Variants in CACNA1I observed in about 807,000 individuals in gnomAD.
The protein encoded by CACNA1I is calcium voltage-gated channel subunit alpha1 I, also known as voltage-dependent T-type calcium channel subunit alpha-1I.
Under a neutral mutation model 201.6 loss-of-function variants are expected in CACNA1I, and 74 were observed. That is an observed-to-expected ratio of 0.37 (90% confidence interval 0.30 to 0.45). The LOEUF is 0.45. Ranked by LOEUF, CACNA1I falls within the 20% of genes least tolerant of loss-of-function variation. The pLI, the probability that CACNA1I is intolerant of heterozygous loss-of-function variation, is 1.00. For synonymous variants in CACNA1I, 1,431 were observed against 1,345.2 expected, an observed-to-expected ratio of 1.06 and a Z score of -1.40; for missense variants, 2,346 against 3,138.1, an observed-to-expected ratio of 0.75 and a Z score of 6.03.
intron 1 of CACNA1I, among the ~76,000 whole-genome samples, chr22:39,580,606 G>A (rs1045994420): frequency 3.3e-5 from 5 of 152,152 alleles, no homozygotes; most frequent in South Asian, 2.1e-4. Flanking sequence ...GAGGGAACAC[G>A]GTAGGGCACA....
At chr22:39,587,712 TG>T in intron 1 of CACNA1I, 2 of 451,112 alleles carry the variant, frequency 4.4e-6, no homozygotes, top group Non-Finnish European at 8.9e-6. Flanking sequence ...AAGGTTCCTG[TG>T]GGGTTTGGCA....
At position 39,584,132 on chromosome 22, in the gene CACNA1I, C is replaced by T. The variant is rs118144302; in HGVS notation, c.236+13144C>T. On this transcript the variant is annotated intron_variant, in intron 1 of 36. Coordinates refer to ENST00000402142, the MANE Select transcript of CACNA1I (RefSeq NM_021096.4). Reference sequence around the variant, plus strand: ...GGGGGATGTATCAGAGGATATGAGGCTACAGGAGAAGGCTGTTCAGGAAGG... The same window carrying T: ...GGGGGATGTATCAGAGGATATGAGGTTACAGGAGAAGGCTGTTCAGGAAGG... 7.1e-3 allele frequency among the ~76,000 whole-genome samples: 1,075 copies of T among 152,250 alleles called. 8 individuals carry two copies. The highest frequency in any genetic ancestry group is 0.011 in the Non-Finnish European group (743 of 68,014).
At chr22:39,639,195 G>A (rs1934294196) in intron 5 of CACNA1I, among the ~76,000 whole-genome samples, 1 of 152,212 alleles carries the variant, frequency 6.6e-6, no homozygotes, top group Non-Finnish European at 1.5e-5. Context: ...GCAAAGTTGA[G>A]TCATTGGGAC....
intron 1 of CACNA1I, among the ~76,000 whole-genome samples, chr22:39,592,718 G>C (rs1205704563): frequency 6.6e-6 from 1 of 152,216 alleles, no homozygotes; most frequent in Non-Finnish European, 1.5e-5. Context: ...TGGGTCTCCA[G>C]CTTCCCTCAG....
chr22:39,639,248 C>T lies in CACNA1I; in HGVS notation c.741-1619C>T, dbSNP rs1480296006. Among the ~76,000 whole-genome samples the T allele has an allele frequency of 2.0e-5, 3 of 152,192 alleles. No homozygotes were observed. In the East Asian group the frequency reaches 5.8e-4, roughly 29 times the overall value. On this transcript the variant is annotated intron_variant, in intron 5 of 36. Coordinates refer to ENST00000402142, the MANE Select transcript of CACNA1I (RefSeq NM_021096.4). Reference sequence around the variant, plus strand: ...CAGAAAAATATTTGCTAATACAGGCCATTACACAAAAAGTTTGCCTACCTC... The same window carrying T: ...CAGAAAAATATTTGCTAATACAGGCTATTACACAAAAAGTTTGCCTACCTC...
At chr22:39,573,826 A>G (rs533535898) in intron 1 of CACNA1I, among the ~76,000 whole-genome samples, 15 of 152,066 alleles carry the variant, frequency 9.9e-5, no homozygotes, top group African/African-American at 3.6e-4. Flanking sequence ...CAGGAGGGAG[A>G]GGAGTACTGG....
chr22:39,601,759 T>C lies in CACNA1I; in HGVS notation c.482+1106T>C, dbSNP rs984287703. Among the ~76,000 whole-genome samples, 15 of 151,716 alleles carry C rather than the reference T, an allele frequency of 9.9e-5. 1 individual carries two copies. In the South Asian group the frequency reaches 2.3e-3, roughly 23 times the overall value. On this transcript the variant is annotated intron_variant, in intron 3 of 36. Transcript: ENST00000402142. ...ACAGATGTGTTCTGAAGTGAGGTGATTCGTTTCACTAGGGTTTTAAAAAAG... is the reference window on the plus strand; with the variant it reads ...ACAGATGTGTTCTGAAGTGAGGTGACTCGTTTCACTAGGGTTTTAAAAAAG...
intron 7 of CACNA1I, among the ~76,000 whole-genome samples, chr22:39,644,407 G>A (rs537381295): frequency 3.3e-5 from 5 of 152,304 alleles, no homozygotes; most frequent in South Asian, 2.1e-4. Flanking sequence ...GCATGTCCTT[G>A]GCACACAGTG....
intron 27 of CACNA1I, 120 bp downstream of exon 27, chr22:39,672,428 G>A (rs532846767): frequency 2.0e-5 from 14 of 717,886 alleles, no homozygotes; most frequent in Admixed American, 8.1e-5. Flanking sequence ...ATCTAGGCAC[G>A]GATGGACAGG....
intron 4 of CACNA1I, among the ~76,000 whole-genome samples, chr22:39,633,298 T>C (rs1042676052): frequency 6.6e-6 from 1 of 152,200 alleles, no homozygotes; most frequent in Non-Finnish European, 1.5e-5. Context: ...CCCCAGAACC[T>C]TATAGCCTAG....
At position 39,684,662 on chromosome 22, in the gene CACNA1I, AG is replaced by A. The variant is rs1935804852; in HGVS notation, c.6027+169del. 9.8e-6 allele frequency: 4 copies of A among 410,012 alleles called. No homozygotes were observed. Among genetic ancestry groups the A allele is most frequent in the East Asian group, 6.5e-5 (1 of 15,482 alleles). 25.4% of individuals were successfully genotyped at this position (410,012 alleles called of 1,614,324 possible). On this transcript the variant is annotated intron_variant, in intron 36 of 36. Transcript: ENST00000402142. This position sits in a 1 kb window ranked among gnomAD's most constrained non-coding sequence, Gnocchi z 4.6. Reference sequence around the variant, plus strand: ...AACGCTGGGGTGACGCTGAGACTGGAGGGGGAGGTGGCACTGGGGCGGATGG... The same window carrying A: ...AACGCTGGGGTGACGCTGAGACTGGAGGGGAGGTGGCACTGGGGCGGATGG...
rs984022138 is a variant in CACNA1I, at chr22:39,685,643, C to G, written c.6028-118C>G. The G allele has an allele frequency of 2.3e-6, 2 of 880,132 alleles. No individual in the cohort carries two copies. The highest frequency in any genetic ancestry group is 3.4e-5 in the East Asian group (1 of 29,620). The allele number at this position is 880,132 out of a possible 1,614,324, so 54.5% of individuals were successfully genotyped here. A position where few individuals can be genotyped will look rare whatever the true frequency, so the allele number is the denominator to read the frequency against. ...CGTGCGGAGGGGAGAAGCCCTGCTC[C>G]GAAGGGAGCTCCTTGGATGGGGTCT... On this transcript the variant is annotated intron_variant, in intron 36 of 36. Coordinates refer to ENST00000402142, the MANE Select transcript of CACNA1I (RefSeq NM_021096.4). This position sits in a 1 kb window ranked among gnomAD's most constrained non-coding sequence, Gnocchi z 5.0.
intron 17 of CACNA1I, 78 bp downstream of exon 17, chr22:39,662,513 C>A: frequency 8.6e-7 from 1 of 1,162,504 alleles, no homozygotes; most frequent in Non-Finnish European, 1.2e-6. Context: ...GAGGCGGGGC[C>A]CGAGCGGGCG....
Position 39,647,903 on chromosome 22 carries a change from C to A in CACNA1I, c.1544C>A (p.Pro515His). The A allele has an allele frequency of 6.8e-6, 11 of 1,613,628 alleles. No homozygotes were observed. The highest frequency in any genetic ancestry group is 1.3e-5 in the African/African-American group (1 of 75,040). The change falls in exon 9 of 37, where the codon CCT becomes CAT. Residue 515 changes from proline (P) to histidine (H), a missense_variant. Transcript: ENST00000402142. ...CAGACTTTGCATGGGCCTGCCTCCC[C>A]TGGAAATGATCACTCGGGAAGAGGC... Reference protein sequence around the residue: ...HCQTLHGPASPGNDHSGRELC... With the variant: ...HCQTLHGPASHGNDHSGRELC...
At chr22:39,671,005 C>G in intron 26 of CACNA1I, 51 bp downstream of exon 26, 6 of 1,573,398 alleles carry the variant, frequency 3.8e-6, no homozygotes, top group Non-Finnish European at 5.2e-6. Context: ...AGGGTGGGGT[C>G]TCAGCAGGAC....
intron 3 of CACNA1I, among the ~76,000 whole-genome samples, chr22:39,615,510 C>T (rs1043536561): frequency 2.6e-5 from 4 of 152,050 alleles, no homozygotes; most frequent in Non-Finnish European, 5.9e-5. Context: ...AGCAAGCTAT[C>T]CCAGGTTGGG....
At chr22:39,651,695 C>G (rs2146433538) in intron 10 of CACNA1I, among the ~76,000 whole-genome samples, 1 of 152,352 alleles carries the variant, frequency 6.6e-6, no homozygotes, top group Admixed American at 6.5e-5. Flanking sequence ...CTGTCCTTGC[C>G]AGGGGCTTGC....
In CACNA1I at chr22:39,664,838, G is replaced by A. The variant is rs1320421880; in HGVS notation, c.3766G>A (p.Val1256Met). The A allele has an allele frequency of 1.9e-6, 3 of 1,613,108 alleles. No homozygotes were observed. Among genetic ancestry groups the A allele is most frequent in the Non-Finnish European group, 2.5e-6 (3 of 1,179,760 alleles). Residue 1256 changes from valine (V) to methionine (M), a missense_variant, in exon 21 of 37, where the codon GTG (valine) becomes ATG (methionine). Physicochemically the swap from Val to Met is conservative, Grantham distance 21 (BLOSUM62 1). Coordinates refer to ENST00000402142, the MANE Select transcript of CACNA1I (RefSeq NM_021096.4). ...FLVFVSIIDI[V>M]VSLASAGGAK... is the part of the protein sequence containing the mutation. Reference sequence around the variant, plus strand: ...TGTCTTCGTGTCCATCATCGACATCGTGGTGTCCCTGGCCTCAGCCGGGGG... The same window carrying A: ...TGTCTTCGTGTCCATCATCGACATCATGGTGTCCCTGGCCTCAGCCGGGGG...
rs373127793 is a variant in CACNA1I at position 39,617,594 on chromosome 22, G to A, written c.483-1716G>A. Among the ~76,000 whole-genome samples the A allele has an allele frequency of 3.9e-5, 6 of 152,144 alleles. No homozygotes were observed. In the East Asian group the frequency reaches 9.6e-4, roughly 24 times the overall value. ...TTGTGTGCCTGTGTGTGCCACCCCC[G>A]CAGCCCCTCCATCACACGTGTCTCC... is the stretch of plus-strand genomic sequence containing the variant. On this transcript the variant is annotated intron_variant, in intron 3 of 36. Transcript: ENST00000402142.
Sources: allele counts gnomAD v4.1 joint callset (sites outside exome capture counted in the v4.1 genomes callset), GRCh38; gene constraint gnomAD v4.1.1; non-coding constraint Gnocchi (gnomAD v3.1); transcripts MANE v1.5; gene names NCBI Gene and HGNC (gene_info 2026-07-23, HGNC 2026-07-21).